The following MAP3K14 variants were observed in gnomAD, a reference collection of about 807,000 sequenced individuals.
MAP3K14 encodes the protein NF-kappa-beta-inducing kinase.
A neutral mutation model predicts 99.2 loss-of-function variants in MAP3K14; 16 were observed. The observed-to-expected ratio is 0.16, with a 90% CI of 0.11 to 0.24. The LOEUF (loss-of-function observed/expected upper bound fraction) is 0.24, where lower values mean the gene tolerates loss of function less well. Ranked by LOEUF, MAP3K14 falls within the 10% of genes least tolerant of loss-of-function variation. The probability of loss-of-function intolerance (pLI) is 1.00; values close to 1 mark genes in which losing one functional copy is unlikely to be tolerated. For synonymous variants in MAP3K14, 462 were observed against 492.4 expected (o/e 0.94, Z 0.82); for missense variants, 784 against 1,208.7 (o/e 0.65, Z 5.21).
intron 14 of MAP3K14, among the ~76,000 whole-genome samples, chr17:45,265,790 T>C (rs927072661): frequency 2.6e-5 from 4 of 152,212 alleles, no homozygotes; most frequent in Non-Finnish European, 5.9e-5. Context: ...ACAGCCCTCA[T>C]ATTATATACA....
chr17:45,274,654 C>A, intron 6 of MAP3K14, 61 bp from the exon 7 acceptor site: 1 of 1,580,104 alleles, frequency 6.3e-7, no homozygotes, highest in Non-Finnish European at 8.6e-7. Flanking sequence ...GGGTCCCTGG[C>A]ATCCTGTCAG....
intron 11 of MAP3K14, among the ~76,000 whole-genome samples, chr17:45,269,045 G>A (rs979231269): frequency 2.6e-5 from 4 of 151,884 alleles, no homozygotes; most frequent in African/African-American, 9.7e-5. Context: ...TTTTTGAGTC[G>A]GGTCTCTGTT....
Position 45,274,032 on chromosome 17 carries a change from A to G in MAP3K14, c.1552+91T>C, listed in dbSNP as rs957180561. ...GACTCAGGGCCTGCTACTGGGGATG[A>G]CCAGGCTAGCCCAGAACTGAGAGGA... On this transcript the variant is annotated intron_variant, in intron 8 of 15. Transcript: ENST00000344686. 9.5e-6 allele frequency: 14 copies of G among 1,475,268 alleles called. No individual in the cohort carries two copies. In the East Asian group the frequency reaches 3.1e-4, roughly 33 times the overall value. The allele number at this position is 1,475,268 out of a possible 1,614,324, so 91.4% of individuals were successfully genotyped here.
chr17:45,291,975 G>A (rs2044314335), intron 1 of MAP3K14, among the ~76,000 whole-genome samples: 1 of 152,254 alleles, frequency 6.6e-6, no homozygotes, highest in East Asian at 1.9e-4. Flanking sequence ...TGAGGCCTGA[G>A]GACTGAATGA....
Position 45,273,610 on chromosome 17 carries a change from G to A in MAP3K14, c.1553-3C>T. 2 of 1,609,198 alleles carry A rather than the reference G, an allele frequency of 1.2e-6. No homozygotes were observed. Among genetic ancestry groups the A allele is most frequent in the Admixed American group, 3.4e-5 (2 of 59,570 alleles). ...GCTGGACAGGAGCACGTTGTCAGCT[G>A]CCAGGCCGCCCCGGGGAGGAAGAGG... On this transcript the variant is annotated splice_polypyrimidine_tract_variant and splice_region_variant and intron_variant, in intron 8 of 15. Coordinates refer to ENST00000344686, the MANE Select transcript of MAP3K14 (RefSeq NM_003954.5).
intron 1 of MAP3K14, among the ~76,000 whole-genome samples, chr17:45,315,528 C>T (rs907366353): frequency 9.9e-5 from 15 of 152,086 alleles, no homozygotes; most frequent in Non-Finnish European, 2.2e-4. Flanking sequence ...GGCATCGCTC[C>T]AAAGAAACTG....
Position 45,264,228 on chromosome 17 carries a change from C to T in MAP3K14, c.*408G>A, listed in dbSNP as rs1474164984. 1.2e-5 allele frequency: 2 copies of T among 170,582 alleles called. No homozygotes were observed. Among genetic ancestry groups the T allele is most frequent in the Non-Finnish European group, 2.5e-5 (2 of 79,796 alleles). 10.6% of individuals were successfully genotyped at this position (170,582 alleles called of 1,614,324 possible). On this transcript the variant is annotated 3_prime_UTR_variant, in exon 16 of 16. Transcript: ENST00000344686. ...CCTTACACACTTGACACTCTCACAG[C>T]AGCCTGGAGGGTGAGGGGCCGAGGG...
chr17:45,309,795 T>C (rs1486605398), intron 1 of MAP3K14, among the ~76,000 whole-genome samples: 1 of 152,176 alleles, frequency 6.6e-6, no homozygotes, highest in African/African-American at 2.4e-5. Flanking sequence ...TTCTAATTGC[T>C]TGAGAAGATA....
At chr17:45,291,065 G>C in intron 1 of MAP3K14, 1 of 280,300 alleles carries the variant, frequency 3.6e-6, no homozygotes, top group Non-Finnish European at 6.9e-6. Context: ...TGGCACAAAT[G>C]TCTGGGTTGG....
At chr17:45,283,755 G>T (rs1228148920) in intron 6 of MAP3K14, among the ~76,000 whole-genome samples, 2 of 152,218 alleles carry the variant, frequency 1.3e-5, no homozygotes, top group African/African-American at 4.8e-5. Context: ...GGGGATTGGA[G>T]TGTCTCTGAC....
intron 6 of MAP3K14, among the ~76,000 whole-genome samples, chr17:45,281,007 A>G (rs1307723692): frequency 6.6e-6 from 1 of 152,352 alleles, no homozygotes; most frequent in East Asian, 1.9e-4. Context: ...GTTAAAAAGC[A>G]TAAGAGAGTT....
chr17:45,271,621 C>T (rs2044143234), intron 9 of MAP3K14, among the ~76,000 whole-genome samples: 1 of 152,358 alleles, frequency 6.6e-6, no homozygotes, highest in South Asian at 2.1e-4. Flanking sequence ...GCTGAGATTA[C>T]AGGCATGAGC....
chr17:45,304,994 G>A (rs2044419896), intron 1 of MAP3K14, among the ~76,000 whole-genome samples: 2 of 152,152 alleles, frequency 1.3e-5, no homozygotes, highest in Admixed American at 1.3e-4. Context: ...TGGGCACTCT[G>A]GAAACATCAG....
At chr17:45,312,844 GT>G (rs1342854468) in intron 1 of MAP3K14, among the ~76,000 whole-genome samples, 2 of 152,214 alleles carry the variant, frequency 1.3e-5, no homozygotes, top group African/African-American at 2.4e-5. Context: ...CCATGTGGTA[GT>G]GGGAACCTCA....
chr17:45,288,981 TGA>T (rs1218318118), intron 3 of MAP3K14, among the ~76,000 whole-genome samples: 1 of 152,154 alleles, frequency 6.6e-6, no homozygotes, highest in African/African-American at 2.4e-5. Context: ...TTAAGGACTC[TGA>T]GGAGAATAAA....
chr17:45,267,580 G>A lies in MAP3K14; in HGVS notation c.2152C>T (p.Pro718Ser). The change falls in exon 12 of 16, where the codon CCA becomes TCA. Residue 718 changes from proline (P) to serine (S), a missense_variant. This residue lies in a region of MAP3K14 where 128 missense variants were observed against 143.3 expected (regional missense o/e 0.89). Coordinates refer to ENST00000344686, the MANE Select transcript of MAP3K14 (RefSeq NM_003954.5). This position sits in a 1 kb window ranked among gnomAD's most constrained non-coding sequence, Gnocchi z 5.1. ...TTGTTTGGCTCTGGGGGCTCTGGTGGGAGAGGAGGCTGGAGCTTAGGGGCT... is the reference window on the plus strand; with the variant it reads ...TTGTTTGGCTCTGGGGGCTCTGGTGAGAGAGGAGGCTGGAGCTTAGGGGCT... ...GRAPKLQPPL[P>S]PEPPEPNKSP... 1 of 1,613,300 alleles carries A rather than the reference G, an allele frequency of 6.2e-7. No individual in the cohort carries two copies. The highest frequency in any genetic ancestry group is 8.5e-7 in the Non-Finnish European group (1 of 1,179,646).
At chr17:45,273,806 T>C in intron 8 of MAP3K14, 199 bp from the exon 9 acceptor site, 1 of 675,274 alleles carries the variant, frequency 1.5e-6, no homozygotes, top group Non-Finnish European at 2.7e-6. Context: ...GCAGGATCTC[T>C]GAGGGCAAAG....
At position 45,266,983 on chromosome 17, in the gene MAP3K14, TACTTGC is replaced by T. The variant is rs56354777; in HGVS notation, c.2433+103_2433+108del. The T allele has an allele frequency of 3.1e-4, 264 of 854,498 alleles. 3 individuals carry two copies. In the East Asian group the frequency reaches 7.0e-3, roughly 23 times the overall value. The allele number at this position is 854,498 out of a possible 1,614,324, so 52.9% of individuals were successfully genotyped here. On this transcript the variant is annotated intron_variant, in intron 13 of 15. Coordinates refer to ENST00000344686, the MANE Select transcript of MAP3K14 (RefSeq NM_003954.5). ...CCCCCATCACCCTCCCTTTACCCACTACTTGCACAGTGTCCATTCACTAGCTGGACG... is the reference window on the plus strand; with the variant it reads ...CCCCCATCACCCTCCCTTTACCCACTACAGTGTCCATTCACTAGCTGGACG...
At chr17:45,301,677 G>A (rs1020336330) in intron 1 of MAP3K14, among the ~76,000 whole-genome samples, 10 of 151,912 alleles carry the variant, frequency 6.6e-5, no homozygotes, top group African/African-American at 9.7e-5. Context: ...TACATGTGTC[G>A]GTATATTACA....
Sources: allele counts gnomAD v4.1 joint callset (sites outside exome capture counted in the v4.1 genomes callset), GRCh38; gene constraint gnomAD v4.1.1; regional missense constraint gnomAD v4.1.1; non-coding constraint Gnocchi (gnomAD v3.1); transcripts MANE v1.5; gene names NCBI Gene and HGNC (gene_info 2026-07-23, HGNC 2026-07-21).